Variants in ZNF782 observed in about 807,000 individuals in gnomAD.
ZNF782 encodes zinc finger protein 782.
In ZNF782, 12 loss-of-function variants were observed where a neutral mutation model predicts 13.0. The observed-to-expected ratio is 0.92, with a 90% CI of 0.59 to 1.50. ZNF782 has a LOEUF of 1.50. Among genes scored for constraint, ZNF782 ranks in the 40% most tolerant of loss-of-function variants. The pLI, the probability that ZNF782 is intolerant of heterozygous loss-of-function variation, is 0.00. For missense variants in ZNF782, 770 were observed against 822.9 expected, an observed-to-expected ratio of 0.94 and a Z score of 0.79; for synonymous variants, 284 against 283.0, an observed-to-expected ratio of 1.00 and a Z score of -0.04.
the ZNF782 span, chr9:96,931,846 G>C: frequency 2.5e-6 from 4 of 1,612,272 alleles, no homozygotes; most frequent in South Asian, 3.3e-5. Context: ...TGACTGCAGT[G>C]GTTCCTCCAG....
the ZNF782 span, among the ~76,000 whole-genome samples, chr9:96,881,988 AGT>A: frequency 0.67 from 99,804 of 148,230 alleles, 34,041 homozygotes; most frequent in Admixed American, 0.75. Context: ...TGGAAGTATG[AGT>A]GTGTGTGTGT....
chr9:96,887,555 A>G, the ZNF782 span: 5 of 152,230 alleles, frequency 3.3e-5, no homozygotes, highest in Non-Finnish European at 7.3e-5. Context: ...ACAATGACAT[A>G]GGTAGACTGA....
chr9:96,829,465 A>T (rs1211065854), intron 4 of ZNF782, among the ~76,000 whole-genome samples: 3 of 152,168 alleles, frequency 2.0e-5, no homozygotes, highest in African/African-American at 7.2e-5. Context: ...CTACTTCAAA[A>T]TACATAAAGC....
At chr9:96,895,961 T>C in the ZNF782 span, 2 of 152,328 alleles carry the variant, frequency 1.3e-5, no homozygotes, top group South Asian at 2.1e-4. Flanking sequence ...TTGCAGAGAT[T>C]AGTACCACCA....
At chr9:96,933,140 G>A in the ZNF782 span, among the ~76,000 whole-genome samples, 13 of 151,136 alleles carry the variant, frequency 8.6e-5, no homozygotes, top group African/African-American at 2.9e-4. Flanking sequence ...ACCATGCCCG[G>A]CTAATTTTTT....
chr9:96,912,214 A>C, the ZNF782 span, among the ~76,000 whole-genome samples: 3 of 149,480 alleles, frequency 2.0e-5, no homozygotes, highest in Non-Finnish European at 3.0e-5. Context: ...AAAAAAAAAA[A>C]AAAAAAACTA....
At chr9:96,881,297 TCTAG>T in the ZNF782 span, among the ~76,000 whole-genome samples, 1 of 152,108 alleles carries the variant, frequency 6.6e-6, no homozygotes, top group South Asian at 2.1e-4. Flanking sequence ...CCTTTCTTCT[TCTAG>T]CTTTTAGTTT....
intron 1 of ZNF782, among the ~76,000 whole-genome samples, chr9:96,864,725 ATATT>A (rs1198582081): frequency 2.0e-5 from 3 of 152,058 alleles, no homozygotes; most frequent in African/African-American, 7.2e-5. Context: ...CTCTAGTTTT[ATATT>A]TATTTAAACA....
upstream of ZNF782, among the ~76,000 whole-genome samples, chr9:96,856,234 C>T (rs1379957634): frequency 6.6e-6 from 1 of 152,142 alleles, no homozygotes; most frequent in Non-Finnish European, 1.5e-5. Context: ...TAAAGGTGAG[C>T]TGCGAGGTGT....
chr9:96,860,250 G>A (rs1440433721), exon 3 of ZNF782: 1 of 152,358 alleles, frequency 6.6e-6, no homozygotes, highest in African/African-American at 2.4e-5. Flanking sequence ...CCTGCTAATT[G>A]GAGAGCCCTG....
chr9:96,882,203 G>A, the ZNF782 span, among the ~76,000 whole-genome samples: 1 of 151,992 alleles, frequency 6.6e-6, no homozygotes, highest in Non-Finnish European at 1.5e-5. Context: ...AAAAAGGGAT[G>A]TTAAAGGTTA....
In ZNF782 at chr9:96,816,742, AGT is replaced by A. The variant is rs1850185217; in HGVS notation, c.*1179_*1180del. 6.6e-6 allele frequency: 1 copy of A among 152,150 alleles called. No homozygotes were observed. Among genetic ancestry groups the A allele is most frequent in the African/African-American group, 2.4e-5 (1 of 41,528 alleles). 9.4% of individuals were successfully genotyped at this position (152,150 alleles called of 1,614,324 possible). On this transcript the variant is annotated 3_prime_UTR_variant, in exon 6 of 6. Transcript: ENST00000481138. ...ATGAGACTTTGGGTGTGTATGTGTG[AGT>A]GTGTGTCTGTGTGTGTGAAGAATTT...
At chr9:96,845,295 T>C (rs1851313286) in intron 3 of ZNF782, among the ~76,000 whole-genome samples, 2 of 152,176 alleles carry the variant, frequency 1.3e-5, no homozygotes, top group Non-Finnish European at 2.9e-5. Context: ...TTATTATAAA[T>C]AGGATTCCTG....
At chr9:96,821,899 C>T (rs1287562268) in intron 5 of ZNF782, among the ~76,000 whole-genome samples, 3 of 152,122 alleles carry the variant, frequency 2.0e-5, no homozygotes, top group South Asian at 2.1e-4. Context: ...CTTCTGACCT[C>T]GTGATCTGCC....
At chr9:96,931,303 T>C in the ZNF782 span, among the ~76,000 whole-genome samples, 1 of 151,250 alleles carries the variant, frequency 6.6e-6, no homozygotes, top group African/African-American at 2.4e-5. Context: ...ACTTCTGGTT[T>C]CCTGTCGGCC....
intron 4 of ZNF782, among the ~76,000 whole-genome samples, chr9:96,839,277 CTTTTTTTTT>C (rs201411107): frequency 0.18 from 18,341 of 100,234 alleles, 2,924 homozygotes; most frequent in African/African-American, 0.45. Flanking sequence ...TTACTTGGGA[CTTTTTTTTT>C]TTTTTTTTTT....
chr9:96,871,046 C>G (rs1851819589), intron 1 of ZNF782, among the ~76,000 whole-genome samples: 1 of 151,966 alleles, frequency 6.6e-6, no homozygotes, highest in Non-Finnish European at 1.5e-5. Context: ...TATAATGGTT[C>G]TCATTTGCTG....
the ZNF782 span, among the ~76,000 whole-genome samples, chr9:96,884,594 G>A: frequency 1.3e-5 from 2 of 151,884 alleles, no homozygotes; most frequent in African/African-American, 2.4e-5. Context: ...GCCAGTCAGG[G>A]AGCTGGTCAC....
chr9:96,830,419 C>A (rs1408733636), intron 4 of ZNF782, among the ~76,000 whole-genome samples: 1 of 152,126 alleles, frequency 6.6e-6, no homozygotes, highest in African/African-American at 2.4e-5. Context: ...AGTAATGAGG[C>A]ACTCCAGATC....
Sources: allele counts gnomAD v4.1 joint callset (sites outside exome capture counted in the v4.1 genomes callset), GRCh38; gene constraint gnomAD v4.1.1; transcripts MANE v1.5; gene names NCBI Gene and HGNC (gene_info 2026-07-23, HGNC 2026-07-21).